CPED1: variants seen among roughly 807,000 people sequenced by gnomAD.
CPED1 encodes the protein cadherin like and PC-esterase domain containing 1, also known as cadherin-like and PC-esterase domain-containing protein 1.
Under a neutral mutation model 128.2 loss-of-function variants are expected in CPED1, and 114 were observed. That is an observed-to-expected ratio of 0.89 (90% CI 0.76 to 1.04). CPED1 has a LOEUF of 1.04. Ranked by LOEUF, CPED1 falls within the 50% of genes least tolerant of loss-of-function variation. CPED1 has a pLI of 0.00. For synonymous variants in CPED1, 462 were observed against 426.7 expected (o/e 1.08, Z -1.02); for missense variants, 1,211 against 1,207.1 (o/e 1.00, Z -0.05).
intron 10 of CPED1, among the ~76,000 whole-genome samples, chr7:121,127,521 C>CT (rs1330165163): frequency 3.5e-5 from 5 of 144,502 alleles, no homozygotes; most frequent in African/African-American, 1.3e-4. Flanking sequence ...TTTTGTTTTT[C>CT]TTTTTTTCTT....
chr7:121,170,753 T>C (rs192171574), intron 16 of CPED1, among the ~76,000 whole-genome samples: 21 of 152,256 alleles, frequency 1.4e-4, no homozygotes, highest in Admixed American at 1.3e-4. Context: ...CTATCCTTTA[T>C]TAAAATTCAA....
At chr7:121,183,420 A>T (rs142627114) in intron 16 of CPED1, among the ~76,000 whole-genome samples, 442 of 152,310 alleles carry the variant, frequency 2.9e-3, no homozygotes, top group African/African-American at 9.9e-3. Context: ...CCTTGACCTC[A>T]AGGGTATCCC....
At chr7:121,088,305 T>C (rs1181020792) in intron 5 of CPED1, among the ~76,000 whole-genome samples, 1 of 152,140 alleles carries the variant, frequency 6.6e-6, no homozygotes, top group Non-Finnish European at 1.5e-5. Flanking sequence ...GGTAAAAGCA[T>C]CTTGCCAGCA....
chr7:121,014,094 G>C (rs6958635), intron 2 of CPED1, among the ~76,000 whole-genome samples: 71,514 of 152,064 alleles, frequency 0.47, 17,935 homozygotes, highest in South Asian at 0.65. Flanking sequence ...TTTGGAATTT[G>C]ATAAGTGAAA....
At chr7:121,003,477 T>C (rs1791920504) in intron 2 of CPED1, among the ~76,000 whole-genome samples, 2 of 152,242 alleles carry the variant, frequency 1.3e-5, no homozygotes, top group Non-Finnish European at 2.9e-5. Flanking sequence ...TATTCCTTCC[T>C]TTAGGAAAGA....
At chr7:121,052,768 C>T (rs1354202608) in intron 4 of CPED1, among the ~76,000 whole-genome samples, 1 of 152,022 alleles carries the variant, frequency 6.6e-6, no homozygotes, top group Non-Finnish European at 1.5e-5. Context: ...GTCTCTCAGG[C>T]CTGGAGTGCA....
chr7:121,284,814 G>A (rs539688719), intron 22 of CPED1, among the ~76,000 whole-genome samples: 7 of 152,310 alleles, frequency 4.6e-5, no homozygotes, highest in East Asian at 1.9e-4. Context: ...ACAGGATGGC[G>A]TTGAGTGTCT....
At chr7:121,216,784 C>G (rs1352702386) in intron 16 of CPED1, among the ~76,000 whole-genome samples, 1 of 152,042 alleles carries the variant, frequency 6.6e-6, no homozygotes, top group African/African-American at 2.4e-5. Flanking sequence ...AAAGATAACT[C>G]TCATTCAGAT....
intron 7 of CPED1, among the ~76,000 whole-genome samples, chr7:121,115,242 A>G (rs775436568): frequency 6.6e-6 from 1 of 152,234 alleles, no homozygotes; most frequent in Non-Finnish European, 1.5e-5. Context: ...TAAATTATGC[A>G]TAATTAAGCA....
At chr7:121,068,219 G>A (rs1252884223) in intron 5 of CPED1, among the ~76,000 whole-genome samples, 1 of 152,158 alleles carries the variant, frequency 6.6e-6, no homozygotes, top group Non-Finnish European at 1.5e-5. Context: ...TATTGCCTAG[G>A]TTTTCTTCTA....
At chr7:121,097,905 C>T in intron 6 of CPED1, 74 bp downstream of exon 6, 4 of 1,492,584 alleles carry the variant, frequency 2.7e-6, no homozygotes, top group Non-Finnish European at 3.7e-6. Context: ...AAGCACAGAA[C>T]AGATATGGGG....
rs553374427 is a variant in CPED1, at chr7:121,007,063, C to T, written c.250-8602C>T. On this transcript the variant is annotated intron_variant, in intron 2 of 22. Coordinates refer to ENST00000310396, the MANE Select transcript of CPED1 (RefSeq NM_024913.5). ...TAGATATGCACTTTAGGAGAAAACA[C>T]TGTCCTTGTGTTCTTAGTTTTGCCT... is the stretch of plus-strand genomic sequence containing the variant. Among the ~76,000 whole-genome samples the T allele has an allele frequency of 6.6e-5, 10 of 152,162 alleles. No homozygotes were observed. The East Asian group carries it at 1.7e-3, about 26-fold the overall frequency.
intron 5 of CPED1, among the ~76,000 whole-genome samples, chr7:121,076,969 A>G (rs1051159590): frequency 6.6e-6 from 1 of 152,052 alleles, no homozygotes; most frequent in Non-Finnish European, 1.5e-5. Flanking sequence ...ACCAAGAAAG[A>G]AATAGAATGA....
intron 3 of CPED1, among the ~76,000 whole-genome samples, chr7:121,041,869 T>A (rs1249535907): frequency 6.6e-6 from 1 of 152,180 alleles, no homozygotes; most frequent in East Asian, 1.9e-4. Context: ...TGACGTCTCC[T>A]TCCAAAATTG....
intron 3 of CPED1, among the ~76,000 whole-genome samples, chr7:121,037,570 CG>C (rs1187192455): frequency 6.6e-6 from 1 of 151,978 alleles, no homozygotes; most frequent in Non-Finnish European, 1.5e-5. Context: ...AGTCAGGTAA[CG>C]TGATGCCTCC....
intron 5 of CPED1, among the ~76,000 whole-genome samples, chr7:121,094,815 T>C (rs1391071059): frequency 6.6e-6 from 1 of 152,192 alleles, no homozygotes; most frequent in African/African-American, 2.4e-5. Context: ...TTAAAAGATA[T>C]TGAAAAGCAG....
Position 121,080,445 on chromosome 7 carries a change from ATTGC to A in CPED1, c.616+16139_616+16142del, listed in dbSNP as rs200473136. 7.9e-3 allele frequency among the ~76,000 whole-genome samples: 1,190 copies of A among 151,486 alleles called. 16 individuals carry two copies. Among genetic ancestry groups the A allele is most frequent in the African/African-American group, 0.027 (1,106 of 41,312 alleles). ...AACCTGGATCAGATTTCTAAAACAC[ATTGC>A]TTGCTTCAAAATAATGAGAATTTTT... is the stretch of plus-strand genomic sequence containing the variant. On this transcript the variant is annotated intron_variant, in intron 5 of 22. Transcript: ENST00000310396.
intron 22 of CPED1, among the ~76,000 whole-genome samples, chr7:121,287,026 T>C (rs927886784): frequency 5.9e-5 from 9 of 152,090 alleles, no homozygotes; most frequent in African/African-American, 1.9e-4. Flanking sequence ...TTAAATCCCA[T>C]GAGAACTCAC....
chr7:121,105,203 C>T (rs1043695916), intron 7 of CPED1, among the ~76,000 whole-genome samples: 2 of 152,106 alleles, frequency 1.3e-5, no homozygotes, highest in East Asian at 1.9e-4. Flanking sequence ...TAAAAAGATG[C>T]ATATATCCCT....
Sources: gnomAD v4.1 joint callset for allele counts (sites outside exome capture counted in the v4.1 genomes callset) on GRCh38, gnomAD v4.1.1 for gene constraint, MANE v1.5 for transcripts, NCBI Gene and HGNC (gene_info 2026-07-23, HGNC 2026-07-21) for gene names.